The following FKBP5 variants were observed in gnomAD, a reference collection of about 807,000 sequenced individuals.
FKBP5 encodes peptidyl-prolyl cis-trans isomerase FKBP5.
A neutral mutation model predicts 50.5 loss-of-function variants in FKBP5; 23 were observed. The observed-to-expected ratio is 0.46, with a 90% CI of 0.33 to 0.65. The LOEUF (loss-of-function observed/expected upper bound fraction) is 0.65. FKBP5 is among the 30% of genes least tolerant of loss of function. FKBP5 has a pLI of 0.02. For synonymous variants in FKBP5, 176 were observed against 190.6 expected (o/e 0.92, Z 0.63); for missense variants, 411 against 553.1 (o/e 0.74, Z 2.58).
chr6:35,645,276 C>T (rs910549870), intron 1 of FKBP5, among the ~76,000 whole-genome samples: 1 of 152,108 alleles, frequency 6.6e-6, no homozygotes, highest in African/African-American at 2.4e-5. Context: ...ATGTTAACAA[C>T]ATAAAGAACC....
intron 2 of FKBP5, among the ~76,000 whole-genome samples, chr6:35,707,052 T>C (rs375227431): frequency 1.3e-5 from 2 of 152,140 alleles, no homozygotes; most frequent in African/African-American, 2.4e-5. Flanking sequence ...TGGAAAGATA[T>C]GCAAGAAACT....
intron 1 of FKBP5, among the ~76,000 whole-genome samples, chr6:35,672,760 C>CT (rs921169518): frequency 7.8e-4 from 58 of 74,766 alleles, no homozygotes; most frequent in Admixed American, 3.6e-3. Flanking sequence ...CTTGTCTCTA[C>CT]TAAAAAAAAA....
At chr6:35,666,816 G>A (rs992549830) in intron 1 of FKBP5, among the ~76,000 whole-genome samples, 1 of 152,160 alleles carries the variant, frequency 6.6e-6, no homozygotes, top group Non-Finnish European at 1.5e-5. Flanking sequence ...TTGAACTCGG[G>A]AGGTTGCAGT....
chr6:35,578,485 T>C (rs1762299603), intron 9 of FKBP5, among the ~76,000 whole-genome samples: 1 of 152,094 alleles, frequency 6.6e-6, no homozygotes, highest in Admixed American at 6.5e-5. Context: ...TAAAAGAAAA[T>C]TGCTGGGTTG....
intron 2 of FKBP5, among the ~76,000 whole-genome samples, chr6:35,699,400 A>G (rs377267232): frequency 1.3e-5 from 2 of 152,320 alleles, no homozygotes; most frequent in African/African-American, 4.8e-5. Flanking sequence ...TCCAGGTTCA[A>G]GGGGAGGGAA....
intron 3 of FKBP5, among the ~76,000 whole-genome samples, chr6:35,628,135 G>T (rs1764055479): frequency 6.6e-6 from 1 of 151,892 alleles, no homozygotes; most frequent in African/African-American, 2.4e-5. Flanking sequence ...TTAGGTCTTT[G>T]ATCCATTTTG....
intron 2 of FKBP5, among the ~76,000 whole-genome samples, chr6:35,639,364 G>A (rs1420652904): frequency 6.6e-6 from 1 of 152,050 alleles, no homozygotes; most frequent in Non-Finnish European, 1.5e-5. Context: ...GAAATCCGAG[G>A]CTCTAGACAA....
intron 5 of FKBP5, among the ~76,000 whole-genome samples, chr6:35,613,239 G>A (rs553037113): frequency 5.3e-5 from 8 of 152,108 alleles, no homozygotes; most frequent in Admixed American, 2.0e-4. Flanking sequence ...TTTTGAGACG[G>A]AGTTTCCCTC....
intron 1 of FKBP5, among the ~76,000 whole-genome samples, chr6:35,721,897 TTGA>T (rs2151024881): frequency 6.6e-6 from 1 of 152,352 alleles, no homozygotes; most frequent in East Asian, 1.9e-4. Flanking sequence ...AGTAGTGGAT[TTGA>T]ACTCAGCCTT....
At chr6:35,700,931 C>G (rs1377660049) in intron 2 of FKBP5, among the ~76,000 whole-genome samples, 1 of 151,832 alleles carries the variant, frequency 6.6e-6, no homozygotes, top group African/African-American at 2.4e-5. Flanking sequence ...TGCACTCCAG[C>G]CTGGGCAACA....
chr6:35,583,567 T>TG (rs1239089924), intron 8 of FKBP5: 29 of 985,342 alleles, frequency 2.9e-5, no homozygotes, highest in Non-Finnish European at 3.3e-5. Context: ...AGTTCTCAAC[T>TG]GGGGGGTGAT....
intron 3 of FKBP5, among the ~76,000 whole-genome samples, chr6:35,623,723 C>T (rs1763915735): frequency 6.6e-6 from 1 of 151,872 alleles, no homozygotes; most frequent in Non-Finnish European, 1.5e-5. Flanking sequence ...ACATGTACCA[C>T]CACATTGGGC....
At chr6:35,660,447 T>C (rs553436287) in intron 1 of FKBP5, among the ~76,000 whole-genome samples, 2 of 80,614 alleles carry the variant, frequency 2.5e-5, no homozygotes, top group African/African-American at 7.7e-5. Context: ...TTTGTATTTT[T>C]AGTAGAGACA....
chr6:35,649,226 G>A (rs1200046847), intron 1 of FKBP5, among the ~76,000 whole-genome samples: 1 of 149,038 alleles, frequency 6.7e-6, no homozygotes, highest in African/African-American at 2.5e-5. Flanking sequence ...ACTCCAGCCT[G>A]GGCGACAGAG....
rs1253875241 is a variant in FKBP5, at chr6:35,596,495, AC to A, written c.665+752del. Among the ~76,000 whole-genome samples the A allele has an allele frequency of 9.9e-4, 150 of 152,196 alleles. 1 individual carries two copies. Among genetic ancestry groups the A allele is most frequent in the African/African-American group, 3.4e-3 (141 of 41,530 alleles). ...GTGCAGGTCATCAAGATTCTCAGTAACTCAGAATCCCACTGTCTGAAATCCA... is the reference window on the plus strand; with the variant it reads ...GTGCAGGTCATCAAGATTCTCAGTAATCAGAATCCCACTGTCTGAAATCCA... On this transcript the variant is annotated intron_variant, in intron 6 of 10. Transcript: ENST00000357266.
chr6:35,637,457 CTTTTTT>C (rs71002581), intron 2 of FKBP5, among the ~76,000 whole-genome samples: 1 of 73,268 alleles, frequency 1.4e-5, no homozygotes, highest in Admixed American at 2.0e-4. Context: ...ACAGTAAACT[CTTTTTT>C]TTTTTTTTTT....
intron 5 of FKBP5, among the ~76,000 whole-genome samples, chr6:35,606,423 C>T (rs113958566): frequency 3.3e-5 from 5 of 151,802 alleles, no homozygotes; most frequent in African/African-American, 9.7e-5. Context: ...TTTGGGAGGC[C>T]GAGGCAGGCA....
intron 3 of FKBP5, among the ~76,000 whole-genome samples, chr6:35,628,581 T>C: frequency 6.6e-6 from 1 of 152,230 alleles, no homozygotes; most frequent in Non-Finnish European, 1.5e-5. Flanking sequence ...TTTTAACTAC[T>C]TGCATATTCT....
At chr6:35,677,672 T>C (rs1333546170) in intron 1 of FKBP5, among the ~76,000 whole-genome samples, 1 of 152,224 alleles carries the variant, frequency 6.6e-6, no homozygotes, top group East Asian at 1.9e-4. Context: ...TTCACCAGGT[T>C]ATCTGAGCTG....
Sources: gnomAD v4.1 joint callset for allele counts (sites outside exome capture counted in the v4.1 genomes callset) on GRCh38, gnomAD v4.1.1 for gene constraint, MANE v1.5 for transcripts, NCBI Gene and HGNC (gene_info 2026-07-23, HGNC 2026-07-21) for gene names.